Variants in COL4A3 observed in about 807,000 individuals in gnomAD.
COL4A3 encodes the protein collagen type IV alpha 3 chain, also known as collagen alpha-3(IV) chain.
In COL4A3, 135 loss-of-function variants were observed where a neutral mutation model predicts 217.4. That is an observed-to-expected ratio of 0.62 (90% CI 0.54 to 0.72). The LOEUF (loss-of-function observed/expected upper bound fraction) is 0.72. Among genes scored for constraint, COL4A3 ranks in the 30% least tolerant of loss-of-function variants. The pLI is 0.00. For synonymous variants in COL4A3, 690 were observed against 736.3 expected (o/e 0.94, Z 1.02); for missense variants, 1,868 against 2,119.9 (o/e 0.88, Z 2.33).
chr2:227,294,689 A>T (rs2072944417), intron 39 of COL4A3, 119 bp downstream of exon 39: 3 of 828,566 alleles, frequency 3.6e-6, no homozygotes, highest in Non-Finnish European at 6.0e-6. Context: ...CTCAGTATCC[A>T]GACAAAAATG....
In COL4A3 at chr2:227,212,420, A is replaced by T. The variant is rs531983969; in HGVS notation, c.88-25548A>T. 3.3e-5 allele frequency among the ~76,000 whole-genome samples: 5 copies of T among 152,280 alleles called. No homozygotes were observed. The East Asian group carries it at 9.6e-4, about 29-fold the overall frequency. The stretch of plus-strand genomic sequence containing the variant: ...TTTAAAATTTTGGCTTTTCCATTTG[A>T]GTCCTTAGTTCATTTGGCATTGAAC... On this transcript the variant is annotated intron_variant, in intron 1 of 51. Transcript: ENST00000396578.
At chr2:227,238,184 A>AG in intron 2 of COL4A3, 160 bp downstream of exon 2, 1 of 525,796 alleles carries the variant, frequency 1.9e-6, no homozygotes, top group Non-Finnish European at 3.5e-6. Context: ...CCTAAAAAAA[A>AG]AAAAAGAAAA....
chr2:227,290,612 T>G lies in COL4A3; in HGVS notation c.3071-135T>G, dbSNP rs2072634466. 4 of 700,580 alleles carry G rather than the reference T, an allele frequency of 5.7e-6. No individual in the cohort carries two copies. In the Admixed American group the frequency reaches 8.1e-5, roughly 14 times the overall value. 43.4% of individuals were successfully genotyped at this position (700,580 alleles called of 1,614,324 possible). A position where few individuals can be genotyped will look rare whatever the true frequency, so the allele number is the denominator to read the frequency against. ...ATATTGATATTATATAATAATCATC[T>G]ATTGTAACTACCTGATGCAGTTGCA... On this transcript the variant is annotated intron_variant, in intron 36 of 51. Coordinates refer to ENST00000396578, the MANE Select transcript of COL4A3 (RefSeq NM_000091.5).
chr2:227,169,849 C>G (rs1038751367), intron 1 of COL4A3, among the ~76,000 whole-genome samples: 2 of 152,146 alleles, frequency 1.3e-5, no homozygotes, highest in African/African-American at 2.4e-5. Context: ...TGTAAACTCT[C>G]TATTCCATTG....
intron 41 of COL4A3, chr2:227,296,641 C>A: frequency 5.9e-6 from 2 of 338,596 alleles, no homozygotes; most frequent in Non-Finnish European, 4.2e-6. Context: ...CTTGGTACTT[C>A]AGGTCATTGC....
At chr2:227,249,230 A>ATATATATATATATATTTTTTTTTTTT in intron 9 of COL4A3, among the ~76,000 whole-genome samples, 2 of 14,692 alleles carry the variant, frequency 1.4e-4, no homozygotes, top group African/African-American at 2.7e-4. Flanking sequence ...ATATATATAT[A>ATATATATATATATATTTTTTTTTTTT]TTTTTTTTTT....
At chr2:227,307,561 T>C (rs772024611) in intron 47 of COL4A3, 149 bp from the exon 48 acceptor site, 4 of 680,146 alleles carry the variant, frequency 5.9e-6, no homozygotes, top group Admixed American at 5.0e-5. Context: ...TTAATAATAC[T>C]GTTTGGCCAT....
intron 11 of COL4A3, among the ~76,000 whole-genome samples, chr2:227,252,006 T>C (rs1358190413): frequency 1.4e-5 from 2 of 146,380 alleles, no homozygotes; most frequent in Non-Finnish European, 3.0e-5. Flanking sequence ...GAGTTGGAGT[T>C]TGCAGTGAGC....
rs1437973419 is a variant in COL4A3 at position 227,261,105 on chromosome 2, C to T, written c.1138C>T (p.Pro380Ser). ...AGGTCCCAGTGGTCCCCCCGGAGTT[C>T]CTGGAAGTCCTGGTATGTCCATGTT... ...PQGPSGPPGV[P>S]GSPGSSRPGL... The change falls in exon 20 of 52, where the codon CCT becomes TCT. Residue 380 changes from proline (P) to serine (S), a missense_variant. Around this residue, in one of 2 missense-constraint regions of COL4A3, gnomAD observed 1,503 missense variants for 1,786.1 expected, o/e 0.84. Transcript: ENST00000396578. 3 of 1,611,662 alleles carry T rather than the reference C, an allele frequency of 1.9e-6. No individual in the cohort carries two copies. The highest frequency in any genetic ancestry group is 2.5e-6 in the Non-Finnish European group (3 of 1,177,794).
At chr2:227,224,287 C>T (rs536687591) in intron 1 of COL4A3, among the ~76,000 whole-genome samples, 15 of 152,296 alleles carry the variant, frequency 9.8e-5, no homozygotes, top group Admixed American at 9.2e-4. Context: ...TGGGGTTTCC[C>T]TGTGTCTGCA....
At chr2:227,206,972 T>C (rs1000099197) in intron 1 of COL4A3, among the ~76,000 whole-genome samples, 17 of 152,194 alleles carry the variant, frequency 1.1e-4, no homozygotes, top group African/African-American at 4.1e-4. Context: ...CACTGCATAC[T>C]TGCACTGTGT....
In COL4A3 at chr2:227,191,696, A is replaced by G. The variant is rs1314879667; in HGVS notation, c.87+26883A>G. ...AAGAAACTTTATTCTAATAAAAGAC[A>G]ACTGTGTTTACAACTACTGGGCATA... is the stretch of plus-strand genomic sequence containing the variant. On this transcript the variant is annotated intron_variant, in intron 1 of 51. Coordinates refer to ENST00000396578, the MANE Select transcript of COL4A3 (RefSeq NM_000091.5). This position sits in a 1 kb window ranked among gnomAD's most constrained non-coding sequence, Gnocchi z 6.8. 6.6e-6 allele frequency among the ~76,000 whole-genome samples: 1 copy of G among 152,220 alleles called. No homozygotes were observed. The highest frequency in any genetic ancestry group is 2.4e-5 in the African/African-American group (1 of 41,460).
At chr2:227,231,603 C>T (rs1053629224) in intron 1 of COL4A3, among the ~76,000 whole-genome samples, 3 of 152,064 alleles carry the variant, frequency 2.0e-5, no homozygotes, top group African/African-American at 7.2e-5. Context: ...TCATTGCAAT[C>T]TCTGCCTCCT....
intron 38 of COL4A3, chr2:227,294,271 G>T (rs1198289386): frequency 8.8e-6 from 5 of 568,646 alleles, no homozygotes; most frequent in Non-Finnish European, 1.6e-5. Context: ...GCTTGTGGTT[G>T]GTGTACACAC....
intron 1 of COL4A3, among the ~76,000 whole-genome samples, chr2:227,193,819 GA>G (rs369632109): frequency 0.11 from 6,416 of 56,926 alleles, 1,718 homozygotes; most frequent in East Asian, 0.37. Flanking sequence ...GGGAGGGAAG[GA>G]AAGGAAGGAA....
intron 1 of COL4A3, among the ~76,000 whole-genome samples, chr2:227,232,145 C>CT (rs1368162812): frequency 6.6e-6 from 1 of 152,188 alleles, no homozygotes; most frequent in Non-Finnish European, 1.5e-5. Context: ...TGATCTCCTT[C>CT]TTTTTTGTGG....
intron 1 of COL4A3, among the ~76,000 whole-genome samples, chr2:227,173,347 G>A (rs375300971): frequency 2.7e-4 from 41 of 152,218 alleles, no homozygotes; most frequent in Admixed American, 1.9e-3. Context: ...TTATGGTGAC[G>A]AAATAAGTAC....
intron 25 of COL4A3, among the ~76,000 whole-genome samples, chr2:227,272,595 A>G (rs1381720157): frequency 6.6e-6 from 1 of 152,252 alleles, no homozygotes; most frequent in Non-Finnish European, 1.5e-5. Context: ...TGCTCATTTT[A>G]TTTCAGAAAT....
chr2:227,303,973 A>G, intron 45 of COL4A3, 43 bp downstream of exon 45: 1 of 1,614,242 alleles, frequency 6.2e-7, no homozygotes, highest in Non-Finnish European at 8.5e-7. Flanking sequence ...AAGAAAGGTA[A>G]CACATCCGTG....
Sources: allele counts gnomAD v4.1 joint callset (sites outside exome capture counted in the v4.1 genomes callset), GRCh38; gene constraint gnomAD v4.1.1; regional missense constraint gnomAD v4.1.1; non-coding constraint Gnocchi (gnomAD v3.1); transcripts MANE v1.5; gene names NCBI Gene and HGNC (gene_info 2026-07-23, HGNC 2026-07-21).